Variants in MON2 observed in about 807,000 individuals in gnomAD.
MON2 encodes the protein protein MON2 homolog.
Under a neutral mutation model 208.6 loss-of-function variants are expected in MON2, and 84 were observed. The observed-to-expected ratio is 0.40, with a 90% CI of 0.34 to 0.48. The LOEUF is 0.48. MON2 is among the 20% of genes least tolerant of loss of function. MON2 has a pLI of 0.59. For missense variants in MON2, 1,611 were observed against 2,015.4 expected (o/e 0.80, Z 3.84); for synonymous variants, 660 against 694.0 (o/e 0.95, Z 0.77).
chr12:62,469,186 G>C (rs1470803819), intron 1 of MON2, among the ~76,000 whole-genome samples: 1 of 143,856 alleles, frequency 7.0e-6, no homozygotes, highest in Non-Finnish European at 1.5e-5. Context: ...CAAGCGATCT[G>C]CCCACCTCTG....
intron 20 of MON2, among the ~76,000 whole-genome samples, chr12:62,543,605 T>A (rs2073338351): frequency 1.3e-5 from 2 of 152,090 alleles, no homozygotes; most frequent in South Asian, 4.2e-4. Context: ...TAGCTTTTTT[T>A]TTTCTCTCTC....
At chr12:62,566,588 A>G (rs1422547074) in intron 29 of MON2, 138 bp downstream of exon 29, 2 of 931,680 alleles carry the variant, frequency 2.1e-6, no homozygotes, top group Non-Finnish European at 3.0e-6. Context: ...CTTTTCTCCA[A>G]TATTCATGAA....
At chr12:62,536,602 A>C (rs2072984010) in intron 14 of MON2, among the ~76,000 whole-genome samples, 1 of 152,172 alleles carries the variant, frequency 6.6e-6, no homozygotes, top group African/African-American at 2.4e-5. Context: ...AAATCTACCA[A>C]AGTTATATAA....
intron 26 of MON2, among the ~76,000 whole-genome samples, chr12:62,561,383 G>T (rs542111642): frequency 1.9e-4 from 29 of 151,974 alleles, no homozygotes; most frequent in Non-Finnish European, 3.2e-4. Flanking sequence ...GTTTGTCCAC[G>T]CAAGTCTTCA....
At chr12:62,554,593 C>T (rs1308130304) in intron 24 of MON2, among the ~76,000 whole-genome samples, 1 of 152,170 alleles carries the variant, frequency 6.6e-6, no homozygotes, top group Non-Finnish European at 1.5e-5. Context: ...CTGCCAGGCT[C>T]AAGCGATCCT....
At chr12:62,484,333 T>G in intron 2 of MON2, 100 bp downstream of exon 2, 1 of 723,488 alleles carries the variant, frequency 1.4e-6, no homozygotes, top group Non-Finnish European at 2.4e-6. Flanking sequence ...GTAACATCTC[T>G]TCCTCATGCC....
chr12:62,537,312 T>TGTGTGTGTGACCTTGGGGAAATTAA, intron 15 of MON2, 49 bp downstream of exon 15: 1 of 1,217,482 alleles, frequency 8.2e-7, no homozygotes, highest in Non-Finnish European at 1.2e-6. Context: ...TCAAGGAAAC[T>TGTGTGTGTGACCTTGGGGAAATTAA]TGTTGTACCT....
At chr12:62,547,276 C>G (rs990909409) in intron 22 of MON2, among the ~76,000 whole-genome samples, 11 of 152,138 alleles carry the variant, frequency 7.2e-5, no homozygotes, top group Non-Finnish European at 1.3e-4. Context: ...TAAGTGGCTA[C>G]AGGCAATTTT....
chr12:62,553,206 T>TAATG, intron 24 of MON2, 32 bp downstream of exon 24: 2 of 1,570,642 alleles, frequency 1.3e-6, no homozygotes, highest in Non-Finnish European at 8.7e-7. Flanking sequence ...TATCAGCTTT[T>TAATG]AATGAGTCAT....
intron 7 of MON2, among the ~76,000 whole-genome samples, chr12:62,502,778 GT>G (rs1248542934): frequency 1.3e-5 from 2 of 152,112 alleles, no homozygotes; most frequent in African/African-American, 2.4e-5. Context: ...TGTAATTTAG[GT>G]TTTTTAACTA....
chr12:62,566,042 T>C lies in MON2; in HGVS notation c.4194+11T>C. The C allele has an allele frequency of 6.2e-7, 1 of 1,609,496 alleles. No individual in the cohort carries two copies. Among genetic ancestry groups the C allele is most frequent in the Non-Finnish European group, 8.5e-7 (1 of 1,176,816 alleles). On this transcript the variant is annotated intron_variant, in intron 28 of 34. Coordinates refer to ENST00000393630, the MANE Select transcript of MON2 (RefSeq NM_015026.3). ...CAACTATTTGCACCGGTGAGTTAAA[T>C]TTCCTAAAATTGTCCTAACCTCTTG...
chr12:62,496,442 A>G (rs1052898230), intron 4 of MON2, among the ~76,000 whole-genome samples: 6 of 152,212 alleles, frequency 3.9e-5, no homozygotes, highest in Admixed American at 1.3e-4. Flanking sequence ...GAAGGCTTCT[A>G]TATAACTATG....
At chr12:62,481,649 C>T (rs2069449076) in intron 1 of MON2, among the ~76,000 whole-genome samples, 1 of 152,060 alleles carries the variant, frequency 6.6e-6, no homozygotes, top group African/African-American at 2.4e-5. Context: ...CCCAAGTAAT[C>T]AGAAAACCAA....
At chr12:62,550,135 T>C (rs1333249743) in intron 23 of MON2, among the ~76,000 whole-genome samples, 1 of 152,214 alleles carries the variant, frequency 6.6e-6, no homozygotes, top group Non-Finnish European at 1.5e-5. Flanking sequence ...CCAATTACAT[T>C]AGCCCCTGAC....
intron 1 of MON2, among the ~76,000 whole-genome samples, chr12:62,478,724 A>G (rs2069229476): frequency 6.6e-6 from 1 of 152,224 alleles, no homozygotes; most frequent in South Asian, 2.1e-4. Flanking sequence ...CTACTGTACT[A>G]AATTTTGAGA....
chr12:62,513,868 T>C (rs2071546758), intron 8 of MON2, among the ~76,000 whole-genome samples: 1 of 145,838 alleles, frequency 6.9e-6, no homozygotes, highest in African/African-American at 2.5e-5. Context: ...GAGAATGGCA[T>C]GAACCCAGGA....
In MON2 at chr12:62,525,063, AC is replaced by A; in HGVS notation, c.1110-19del. On this transcript the variant is annotated intron_variant, in intron 9 of 34. Transcript: ENST00000393630. ...ATATATTCAAATGTTTTTCCCAAAA[AC>A]CTTTTAAATTATTTTACAGGTCATT... 2 of 1,591,442 alleles carry A rather than the reference AC, an allele frequency of 1.3e-6. No individual in the cohort carries two copies. Among genetic ancestry groups the A allele is most frequent in the Non-Finnish European group, 8.6e-7 (1 of 1,164,382 alleles).
At chr12:62,492,603 C>T (rs1216397519) in intron 2 of MON2, among the ~76,000 whole-genome samples, 1 of 147,488 alleles carries the variant, frequency 6.8e-6, no homozygotes. Context: ...GATCTCCTGA[C>T]CTCATGATCC....
intron 25 of MON2, among the ~76,000 whole-genome samples, chr12:62,557,962 A>ATATATAT (rs1364201663): frequency 2.4e-4 from 5 of 20,872 alleles, no homozygotes; most frequent in African/African-American, 9.7e-4. Context: ...ATATATATAT[A>ATATATAT]TTTTTTTTTT....
Sources: allele counts gnomAD v4.1 joint callset (sites outside exome capture counted in the v4.1 genomes callset), GRCh38; gene constraint gnomAD v4.1.1; transcripts MANE v1.5; gene names NCBI Gene and HGNC (gene_info 2026-07-23, HGNC 2026-07-21).